The following ADGRL3 variants were observed in gnomAD, a reference collection of about 807,000 sequenced individuals.
ADGRL3 encodes adhesion G protein-coupled receptor L3.
Under a neutral mutation model 153.5 loss-of-function variants are expected in ADGRL3, and 62 were observed. That is an observed-to-expected ratio of 0.40 (90% CI 0.33 to 0.50). The LOEUF (loss-of-function observed/expected upper bound fraction) is 0.50. ADGRL3 is among the 20% of genes least tolerant of loss of function. The probability of loss-of-function intolerance (pLI) is 0.47; values close to 1 mark genes in which losing one functional copy is unlikely to be tolerated. For missense variants in ADGRL3, 1,641 were observed against 1,859.4 expected, an observed-to-expected ratio of 0.88 and a Z score of 2.16; for synonymous variants, 710 against 672.5, an observed-to-expected ratio of 1.06 and a Z score of -0.86.
chr4:61,242,365 T>C (rs181449403), intron 1 of ADGRL3, among the ~76,000 whole-genome samples: 2 of 152,174 alleles, frequency 1.3e-5, no homozygotes, highest in African/African-American at 4.8e-5. Flanking sequence ...CCCAGACCAA[T>C]TAAGTTGTAC....
intron 4 of ADGRL3, among the ~76,000 whole-genome samples, chr4:61,567,416 C>T (rs1357522342): frequency 2.0e-5 from 3 of 152,162 alleles, no homozygotes; most frequent in East Asian, 3.9e-4. Flanking sequence ...GATAAGATCA[C>T]GAAGGCAGAG....
intron 9 of ADGRL3, among the ~76,000 whole-genome samples, chr4:61,865,856 G>GT (rs2098395168): frequency 6.6e-6 from 1 of 152,198 alleles, no homozygotes; most frequent in Admixed American, 6.5e-5. Flanking sequence ...TCCAGTTTCA[G>GT]TTTTTTCATA....
chr4:61,816,721 G>A (rs60228258), intron 9 of ADGRL3, among the ~76,000 whole-genome samples: 16 of 152,136 alleles, frequency 1.1e-4, no homozygotes, highest in South Asian at 2.1e-4. Flanking sequence ...TGGAACAGCC[G>A]CTGTGGGGAT....
At chr4:61,927,107 A>G (rs1486049032) in intron 13 of ADGRL3, among the ~76,000 whole-genome samples, 1 of 152,072 alleles carries the variant, frequency 6.6e-6, no homozygotes, top group South Asian at 2.1e-4. Context: ...TGGCCTCACT[A>G]TATTGCCATT....
At chr4:61,780,316 T>A (rs947372044) in intron 8 of ADGRL3, among the ~76,000 whole-genome samples, 1 of 152,204 alleles carries the variant, frequency 6.6e-6, no homozygotes, top group Non-Finnish European at 1.5e-5. Flanking sequence ...CTTGAATAGC[T>A]GTAATCAATT....
At position 61,454,669 on chromosome 4, in the gene ADGRL3, A is replaced by G. The variant is rs116583688; in HGVS notation, c.-173-42452A>G. Reference sequence around the variant, plus strand: ...GCTTGTTGTTTCTATGTGGATATGTACATAAATATTACATGATATATATAT... The same window carrying G: ...GCTTGTTGTTTCTATGTGGATATGTGCATAAATATTACATGATATATATAT... On this transcript the variant is annotated intron_variant, in intron 2 of 26. Coordinates refer to ENST00000683033, the MANE Select transcript of ADGRL3 (RefSeq NM_001387552.1). Among the ~76,000 whole-genome samples the G allele has an allele frequency of 6.8e-3, 1,040 of 152,260 alleles. 11 individuals carry two copies. Among genetic ancestry groups the G allele is most frequent in the African/African-American group, 0.024 (981 of 41,562 alleles).
intron 17 of ADGRL3, among the ~76,000 whole-genome samples, chr4:61,963,849 A>C (rs2098996984): frequency 6.6e-6 from 1 of 152,180 alleles, no homozygotes; most frequent in Non-Finnish European, 1.5e-5. Context: ...GTTCATCTGC[A>C]ATTCTAGTGA....
intron 9 of ADGRL3, among the ~76,000 whole-genome samples, chr4:61,828,507 A>G (rs1042642375): frequency 6.6e-6 from 1 of 152,206 alleles, no homozygotes; most frequent in Non-Finnish European, 1.5e-5. Context: ...TGATGTTGGT[A>G]TCTTACAGAA....
At chr4:61,432,019 G>T (rs1000670902) in intron 2 of ADGRL3, among the ~76,000 whole-genome samples, 1 of 152,136 alleles carries the variant, frequency 6.6e-6, no homozygotes, top group African/African-American at 2.4e-5. Flanking sequence ...TTAACAAAAT[G>T]GACCTACAGA....
At position 61,497,099 on chromosome 4, in the gene ADGRL3, CTTT is replaced by C; in HGVS notation, c.-173-14_-173-12del. The C allele has an allele frequency of 2.0e-6, 1 of 499,818 alleles. No individual in the cohort carries two copies. Among genetic ancestry groups the C allele is most frequent in the East Asian group, 3.6e-5 (1 of 27,692 alleles). 31.0% of individuals were successfully genotyped at this position (499,818 alleles called of 1,614,324 possible). A position where few individuals can be genotyped will look rare whatever the true frequency, so the allele number is the denominator to read the frequency against. ...TACTTACTTATTTTATACAATAACC[CTTT>C]TTTTTTTCTTTTTTGCAGGTTTCAG... On this transcript the variant is annotated intron_variant, in intron 2 of 26. Coordinates refer to ENST00000683033, the MANE Select transcript of ADGRL3 (RefSeq NM_001387552.1).
Position 61,587,207 on chromosome 4 carries a change from C to T in ADGRL3, c.260-20C>T. On this transcript the variant is annotated intron_variant, in intron 4 of 26. Coordinates refer to ENST00000683033, the MANE Select transcript of ADGRL3 (RefSeq NM_001387552.1). Reference sequence around the variant, plus strand: ...ATGTAGTAACGATGGCATCTCTTTTCTTCCTCTTCCTTTTGGCAGCTTTCA... The same window carrying T: ...ATGTAGTAACGATGGCATCTCTTTTTTTCCTCTTCCTTTTGGCAGCTTTCA... 2 of 1,563,678 alleles carry T rather than the reference C, an allele frequency of 1.3e-6. No homozygotes were observed. The highest frequency in any genetic ancestry group is 2.3e-5 in the East Asian group (1 of 43,318).
At chr4:61,223,994 T>C (rs1746793070) in intron 1 of ADGRL3, among the ~76,000 whole-genome samples, 2 of 152,154 alleles carry the variant, frequency 1.3e-5, no homozygotes, top group African/African-American at 4.8e-5. Flanking sequence ...AATTTCTGTA[T>C]TGGTAAATTA....
intron 1 of ADGRL3, among the ~76,000 whole-genome samples, chr4:61,378,910 T>C (rs1578535464): frequency 2.0e-5 from 3 of 152,038 alleles, no homozygotes; most frequent in Non-Finnish European, 4.4e-5. Flanking sequence ...TGGCAGGTGG[T>C]TGAACGAAGT....
chr4:61,600,985 A>G (rs1379472902), intron 5 of ADGRL3, among the ~76,000 whole-genome samples: 1 of 152,088 alleles, frequency 6.6e-6, no homozygotes, highest in Non-Finnish European at 1.5e-5. Flanking sequence ...GAAAAGTTTT[A>G]GAAATTGGGG....
intron 13 of ADGRL3, among the ~76,000 whole-genome samples, chr4:61,920,457 G>T (rs753958341): frequency 6.6e-5 from 10 of 152,146 alleles, no homozygotes; most frequent in Non-Finnish European, 1.3e-4. Flanking sequence ...TTTCAGGACT[G>T]CTCCCAGAGT....
chr4:61,284,964 C>T (rs185037964), intron 1 of ADGRL3, among the ~76,000 whole-genome samples: 42 of 151,692 alleles, frequency 2.8e-4, no homozygotes, highest in African/African-American at 9.4e-4. Context: ...TGTTACCAAT[C>T]TTTGTTTAAA....
intron 2 of ADGRL3, among the ~76,000 whole-genome samples, chr4:61,405,075 G>A (rs1560581670): frequency 1.3e-5 from 2 of 151,966 alleles, no homozygotes. Context: ...AGCCTTCATA[G>A]TAGCTACTTA....
At chr4:61,284,887 C>T (rs951524018) in intron 1 of ADGRL3, among the ~76,000 whole-genome samples, 2 of 151,312 alleles carry the variant, frequency 1.3e-5, no homozygotes, top group African/African-American at 4.9e-5. Context: ...TCCTTTTCTC[C>T]TCTCCTTTCT....
In ADGRL3 at chr4:61,675,974, C is replaced by A. The variant is rs534571637; in HGVS notation, c.474-852C>A. Among the ~76,000 whole-genome samples the A allele has an allele frequency of 1.1e-4, 16 of 151,916 alleles. 1 individual carries two copies. In the South Asian group the frequency reaches 3.3e-3, roughly 32 times the overall value. On this transcript the variant is annotated intron_variant, in intron 5 of 26. Transcript: ENST00000683033. ...CCTCTACCCCTCACTCCGTTCCCAG[C>A]CTCTGGTAATCATCTTTCTACCCTA...
Sources: gnomAD v4.1 joint callset for allele counts (sites outside exome capture counted in the v4.1 genomes callset) on GRCh38, gnomAD v4.1.1 for gene constraint, MANE v1.5 for transcripts, NCBI Gene and HGNC (gene_info 2026-07-23, HGNC 2026-07-21) for gene names.